GOLGA4: variants seen among roughly 807,000 people sequenced by gnomAD.
The protein encoded by GOLGA4 is golgin subfamily A member 4.
Under a neutral mutation model 265.9 loss-of-function variants are expected in GOLGA4, and 169 were observed. The observed-to-expected ratio is 0.64, with a 90% CI of 0.56 to 0.72. The LOEUF (loss-of-function observed/expected upper bound fraction) is 0.72, where lower values mean the gene tolerates loss of function less well. Among genes scored for constraint, GOLGA4 ranks in the 30% least tolerant of loss-of-function variants. The pLI, the probability that GOLGA4 is intolerant of heterozygous loss-of-function variation, is 0.00. For synonymous variants in GOLGA4, 923 were observed against 855.8 expected (o/e 1.08, Z -1.37); for missense variants, 2,482 against 2,483.4 (o/e 1.00, Z 0.01).
rs2096969884 is a variant in GOLGA4 at position 37,326,082 on chromosome 3, T to G, written c.4196T>G (p.Leu1399Arg). The change falls in exon 14 of 24, where the codon CTA becomes CGA. Residue 1399 changes from leucine (L) to arginine (R), a missense_variant. Physicochemically the swap from Leu to Arg is moderately radical, Grantham distance 102. This residue lies in a region of GOLGA4 where 942 missense variants were observed against 983.1 expected (regional missense o/e 0.96). Coordinates refer to ENST00000361924, the MANE Select transcript of GOLGA4 (RefSeq NM_002078.5). The part of the protein sequence containing the change: ...LSEKEAAISS[L>R]RKQYDEEKCE... ...GAAAAAGAAGCAGCCATTTCATCAC[T>G]AAGAAAGCAGTATGATGAAGAAAAA... is the stretch of plus-strand genomic sequence containing the variant. The G allele has an allele frequency of 6.2e-7, 1 of 1,612,920 alleles. No homozygotes were observed. Among genetic ancestry groups the G allele is most frequent in the East Asian group, 2.2e-5 (1 of 44,846 alleles).
intron 11 of GOLGA4, among the ~76,000 whole-genome samples, chr3:37,317,282 G>C (rs1407478921): frequency 1.3e-5 from 2 of 152,114 alleles, no homozygotes; most frequent in East Asian, 1.9e-4. Flanking sequence ...CAATTCTCCT[G>C]CCTCAGCCTC....
At chr3:37,328,233 GACACAC>G (rs4021346) in intron 14 of GOLGA4, among the ~76,000 whole-genome samples, 177 bp from the exon 15 acceptor site, 5,578 of 138,492 alleles carry the variant, frequency 0.04, 122 homozygotes, top group African/African-American at 0.058. Flanking sequence ...TATGTACCTG[GACACAC>G]ACACACACAC....
chr3:37,349,734 A>G (rs1042295392), intron 21 of GOLGA4, among the ~76,000 whole-genome samples: 1 of 152,154 alleles, frequency 6.6e-6, no homozygotes, highest in African/African-American at 2.4e-5. Context: ...AATGGAGACC[A>G]GGTTGCGGTT....
intron 7 of GOLGA4, among the ~76,000 whole-genome samples, chr3:37,298,161 T>A (rs2150852439): frequency 6.6e-6 from 1 of 152,294 alleles, no homozygotes; most frequent in Middle Eastern, 3.4e-3. Flanking sequence ...ATAGGGGAAT[T>A]GCAGTAGAGA....
Position 37,243,288 on chromosome 3 carries a change from T to G in GOLGA4, c.-263T>G, listed in dbSNP as rs1445559011. 1.9e-6 allele frequency: 1 copy of G among 536,456 alleles called. No individual in the cohort carries two copies. Among genetic ancestry groups the G allele is most frequent in the African/African-American group, 2.0e-5 (1 of 50,702 alleles). 33.2% of individuals were successfully genotyped at this position (536,456 alleles called of 1,614,324 possible). On this transcript the variant is annotated 5_prime_UTR_variant, in exon 1 of 24. Transcript: ENST00000361924. ...TGGCGCACAGTTCACCTGCTGCCGT[T>G]GTCGTCGCCGCCGCGGCTCCCGGGG...
At position 37,321,885 on chromosome 3, in the gene GOLGA4, CTG is replaced by C; in HGVS notation, c.1701+1_1701+2del. On this transcript the variant is annotated splice_donor_variant and coding_sequence_variant, in exon 13 of 24. Coordinates refer to ENST00000361924, the MANE Select transcript of GOLGA4 (RefSeq NM_002078.5). LOFTEE classifies it high-confidence loss of function. Reference sequence around the variant, plus strand: ...CAGCAAGAAGCAGAGACTTACAGAACTGTAAGTTTTAATAATATTCAGATTCT... The same window carrying C: ...CAGCAAGAAGCAGAGACTTACAGAACTAAGTTTTAATAATATTCAGATTCT... The C allele has an allele frequency of 6.3e-7, 1 of 1,590,558 alleles. No homozygotes were observed. Among genetic ancestry groups the C allele is most frequent in the Non-Finnish European group, 8.5e-7 (1 of 1,172,664 alleles).
At chr3:37,282,926 T>G (rs1293637334) in intron 3 of GOLGA4, among the ~76,000 whole-genome samples, 1 of 152,244 alleles carries the variant, frequency 6.6e-6, no homozygotes, top group East Asian at 1.9e-4. Context: ...CAATTCCCTC[T>G]GCATCCTATG....
In GOLGA4 at chr3:37,307,330, G is replaced by C. The variant is rs1259377737; in HGVS notation, c.1234+4998G>C. ...GAACATATTTATTTGATGTTTGAAG[G>C]ACTCTTTAAAATAGTTTATCTGTTT... On this transcript the variant is annotated intron_variant, in intron 10 of 23. Coordinates refer to ENST00000361924, the MANE Select transcript of GOLGA4 (RefSeq NM_002078.5). Among the ~76,000 whole-genome samples the C allele has an allele frequency of 3.3e-5, 5 of 152,264 alleles. No individual in the cohort carries two copies. In the East Asian group the frequency reaches 9.6e-4, roughly 29 times the overall value.
chr3:37,347,598 T>C (rs184236613), intron 21 of GOLGA4, among the ~76,000 whole-genome samples: 331 of 152,260 alleles, frequency 2.2e-3, no homozygotes, highest in African/African-American at 7.6e-3. Flanking sequence ...TTCTTCTTCA[T>C]ATCTTTAAGT....
intron 16 of GOLGA4, among the ~76,000 whole-genome samples, chr3:37,333,270 G>T (rs923193415): frequency 6.6e-6 from 1 of 152,158 alleles, no homozygotes; most frequent in Non-Finnish European, 1.5e-5. Flanking sequence ...CTGTATTTTA[G>T]TGATTTTGTT....
intron 2 of GOLGA4, among the ~76,000 whole-genome samples, chr3:37,258,753 C>G (rs2096761462): frequency 6.6e-6 from 1 of 152,118 alleles, no homozygotes; most frequent in Non-Finnish European, 1.5e-5. Flanking sequence ...GAGAAACATT[C>G]CTTCCTAAAT....
intron 22 of GOLGA4, among the ~76,000 whole-genome samples, chr3:37,355,968 T>G (rs1343990897): frequency 6.6e-6 from 1 of 152,076 alleles, no homozygotes; most frequent in African/African-American, 2.4e-5. Flanking sequence ...CTCTCTCTCC[T>G]CACTAAAGCA....
At chr3:37,293,966 A>G (rs918445544) in intron 5 of GOLGA4, among the ~76,000 whole-genome samples, 1 of 152,222 alleles carries the variant, frequency 6.6e-6, no homozygotes, top group Admixed American at 6.5e-5. Context: ...TGCATATCCA[A>G]GTCTATCTAA....
Position 37,347,184 on chromosome 3 carries a change from A to G in GOLGA4, c.6473-9A>G, listed in dbSNP as rs1184389977. On this transcript the variant is annotated splice_polypyrimidine_tract_variant and intron_variant, in intron 20 of 23. Transcript: ENST00000361924. ...TCTTTACAGTTTGATCTATTTTTTT[A>G]TTTGGCAGGTGGCAATTTGTACCAT... The G allele has an allele frequency of 6.4e-7, 1 of 1,556,402 alleles. No individual in the cohort carries two copies. The highest frequency in any genetic ancestry group is 8.9e-7 in the Non-Finnish European group (1 of 1,129,758).
chr3:37,264,443 A>G (rs931951457), intron 2 of GOLGA4, among the ~76,000 whole-genome samples: 4 of 152,136 alleles, frequency 2.6e-5, no homozygotes, highest in African/African-American at 4.8e-5. Context: ...GTGTAAAGTT[A>G]ATTGCTGAAT....
chr3:37,266,003 G>C (rs568277828), intron 2 of GOLGA4, among the ~76,000 whole-genome samples: 2 of 147,222 alleles, frequency 1.4e-5, no homozygotes, highest in East Asian at 4.0e-4. Context: ...TCCAGCCTGG[G>C]TGATGGAGCT....
intron 3 of GOLGA4, among the ~76,000 whole-genome samples, chr3:37,285,585 T>C (rs1458328490): frequency 6.6e-6 from 1 of 152,230 alleles, no homozygotes; most frequent in Non-Finnish European, 1.5e-5. Context: ...CATTAAAACA[T>C]AGTTTCCTGT....
Position 37,307,014 on chromosome 3 carries a change from T to G in GOLGA4, c.1234+4682T>G, listed in dbSNP as rs567637788. Among the ~76,000 whole-genome samples, 8 of 152,330 alleles carry G rather than the reference T, an allele frequency of 5.3e-5. No individual in the cohort carries two copies. In the South Asian group the frequency reaches 1.7e-3, roughly 32 times the overall value. The stretch of plus-strand genomic sequence containing the variant: ...AAAAAAGTAACCCATGCCACAATGT[T>G]AATCCTCCCTCCCATTAAAATGTTT... On this transcript the variant is annotated intron_variant, in intron 10 of 23. Transcript: ENST00000361924.
intron 2 of GOLGA4, chr3:37,276,420 A>T (rs2096818907): frequency 1.2e-6 from 2 of 1,608,912 alleles, no homozygotes; most frequent in Admixed American, 3.3e-5. Flanking sequence ...TTGACCAAAG[A>T]AGCCATCAGA....
Sources: gnomAD v4.1 joint callset for allele counts (sites outside exome capture counted in the v4.1 genomes callset) on GRCh38, gnomAD v4.1.1 for gene constraint, gnomAD v4.1.1 regional missense constraint, MANE v1.5 for transcripts, NCBI Gene and HGNC (gene_info 2026-07-23, HGNC 2026-07-21) for gene names.